The following CADM2 variants were observed in gnomAD, a reference collection of about 807,000 sequenced individuals.
CADM2 encodes cell adhesion molecule 2.
Under a neutral mutation model 49.8 loss-of-function variants are expected in CADM2, and 12 were observed. That is an observed-to-expected ratio of 0.24 (90% CI 0.15 to 0.39). CADM2 has a LOEUF of 0.39. CADM2 is among the 10% of genes least tolerant of loss of function. The pLI, the probability that CADM2 is intolerant of heterozygous loss-of-function variation, is 1.00. For missense variants in CADM2, 378 were observed against 492.3 expected, an observed-to-expected ratio of 0.77 and a Z score of 2.20; for synonymous variants, 214 against 175.4, an observed-to-expected ratio of 1.22 and a Z score of -1.74.
intron 1 of CADM2, among the ~76,000 whole-genome samples, chr3:85,310,017 T>C (rs552601481): frequency 7.9e-5 from 12 of 152,236 alleles, no homozygotes; most frequent in Non-Finnish European, 1.3e-4. Context: ...TTCTTAGAGC[T>C]AAATTTAATG....
chr3:85,000,953 T>C (rs1164698744), intron 1 of CADM2, among the ~76,000 whole-genome samples: 1 of 152,136 alleles, frequency 6.6e-6, no homozygotes, highest in Non-Finnish European at 1.5e-5. Context: ...ATTAACTCCA[T>C]GATTTTGCTA....
chr3:85,514,715 A>ATTCTT (rs1576693957), intron 1 of CADM2, among the ~76,000 whole-genome samples: 1 of 152,242 alleles, frequency 6.6e-6, no homozygotes, highest in East Asian at 1.9e-4. Flanking sequence ...TTAAAGGGAC[A>ATTCTT]TTCTTAATTG....
chr3:85,478,495 C>A (rs17022864), intron 1 of CADM2, among the ~76,000 whole-genome samples: 1 of 151,718 alleles, frequency 6.6e-6, no homozygotes, highest in African/African-American at 2.4e-5. Context: ...TGTTGGATCA[C>A]GTGGCAATGA....
intron 8 of CADM2, among the ~76,000 whole-genome samples, chr3:86,020,392 G>A (rs1387415011): frequency 2.6e-5 from 4 of 151,942 alleles, no homozygotes; most frequent in Non-Finnish European, 5.9e-5. Flanking sequence ...ATTCACAGCC[G>A]AATTCTACCA....
chr3:85,759,065 T>C (rs1315865550), intron 2 of CADM2, among the ~76,000 whole-genome samples: 1 of 152,080 alleles, frequency 6.6e-6, no homozygotes, highest in Non-Finnish European at 1.5e-5. Context: ...GTTTATCATT[T>C]ACTATACAGA....
intron 1 of CADM2, among the ~76,000 whole-genome samples, chr3:85,345,372 G>A (rs574432046): frequency 1.0e-4 from 15 of 144,968 alleles, no homozygotes; most frequent in African/African-American, 3.8e-4. Context: ...AATAAAAATG[G>A]AAATTAAAAA....
At chr3:85,227,669 C>T (rs2107805360) in intron 1 of CADM2, among the ~76,000 whole-genome samples, 1 of 152,060 alleles carries the variant, frequency 6.6e-6, no homozygotes, top group African/African-American at 2.4e-5. Context: ...TGAATTTGAT[C>T]CTGTCATTAT....
At chr3:85,266,009 A>G (rs2106823462) in intron 1 of CADM2, among the ~76,000 whole-genome samples, 2 of 152,022 alleles carry the variant, frequency 1.3e-5, no homozygotes, top group Admixed American at 1.3e-4. Context: ...TTCAAACAGT[A>G]ACTTGTTTTC....
At chr3:85,463,108 T>C (rs1489045698) in intron 1 of CADM2, among the ~76,000 whole-genome samples, 1 of 152,156 alleles carries the variant, frequency 6.6e-6, no homozygotes, top group Non-Finnish European at 1.5e-5. Flanking sequence ...AGTTTAACTC[T>C]TATGATTTTG....
chr3:85,174,890 G>T lies in CADM2; in HGVS notation c.61+215222G>T, dbSNP rs184275130. ...TTACTGTGTGATTCTAGACACAAGA[G>T]ATTGTTGTTAAAACTCGACAATAAC... is the stretch of plus-strand genomic sequence containing the variant. On this transcript the variant is annotated intron_variant, in intron 1 of 9. Coordinates refer to ENST00000383699, the MANE Select transcript of CADM2 (RefSeq NM_001167675.2). 8.5e-5 allele frequency among the ~76,000 whole-genome samples: 13 copies of T among 152,258 alleles called. 1 individual carries two copies. The highest frequency in any genetic ancestry group is 7.8e-4 in the Admixed American group (12 of 15,290).
intron 6 of CADM2, among the ~76,000 whole-genome samples, chr3:85,926,627 C>T (rs931631821): frequency 2.6e-5 from 4 of 151,956 alleles, no homozygotes; most frequent in African/African-American, 9.7e-5. Context: ...TTCTAAATTT[C>T]CGTTAGTACA....
chr3:85,560,457 G>A (rs1372260728), intron 1 of CADM2, among the ~76,000 whole-genome samples: 2 of 152,174 alleles, frequency 1.3e-5, no homozygotes, highest in African/African-American at 2.4e-5. Context: ...AGATTCAGGC[G>A]CTTGGCTTAT....
At chr3:85,484,258 G>T (rs879331565) in intron 1 of CADM2, among the ~76,000 whole-genome samples, 4 of 151,870 alleles carry the variant, frequency 2.6e-5, no homozygotes, top group Non-Finnish European at 4.4e-5. Context: ...AATGATGTCA[G>T]CATTGAAACT....
At chr3:85,359,662 A>ATG in intron 1 of CADM2, among the ~76,000 whole-genome samples, 1 of 25,928 alleles carries the variant, frequency 3.9e-5, no homozygotes, top group South Asian at 1.1e-3. Context: ...ATATATATAT[A>ATG]TATATTTTTT....
intron 1 of CADM2, among the ~76,000 whole-genome samples, chr3:85,540,218 T>C (rs1025176191): frequency 6.6e-6 from 1 of 152,164 alleles, no homozygotes; most frequent in Non-Finnish European, 1.5e-5. Flanking sequence ...GTAATCATAC[T>C]AAATTATAAC....
chr3:86,013,115 C>A, intron 8 of CADM2: 2 of 1,350,128 alleles, frequency 1.5e-6, no homozygotes, highest in South Asian at 2.3e-5. Context: ...ATCTTACAGT[C>A]ATTTGAACAA....
intron 1 of CADM2, among the ~76,000 whole-genome samples, chr3:85,416,291 T>C (rs1015611302): frequency 6.6e-6 from 1 of 152,164 alleles, no homozygotes; most frequent in Non-Finnish European, 1.5e-5. Context: ...ATCTCTCTTA[T>C]TCTTTTGATG....
chr3:85,990,966 A>G (rs1303310961), intron 8 of CADM2, among the ~76,000 whole-genome samples: 4 of 152,210 alleles, frequency 2.6e-5, no homozygotes, highest in Admixed American at 6.5e-5. Context: ...ACCAGTAGGT[A>G]GAGAAAGGAC....
chr3:85,399,136 G>T (rs777052537), intron 1 of CADM2, among the ~76,000 whole-genome samples: 1 of 152,106 alleles, frequency 6.6e-6, no homozygotes, highest in Non-Finnish European at 1.5e-5. Context: ...ATGGTTTTAG[G>T]TCTAACATTT....
Sources: gnomAD v4.1 joint callset for allele counts (sites outside exome capture counted in the v4.1 genomes callset) on GRCh38, gnomAD v4.1.1 for gene constraint, MANE v1.5 for transcripts, NCBI Gene and HGNC (gene_info 2026-07-23, HGNC 2026-07-21) for gene names.